The following ADGRB3 variants were observed in gnomAD, a reference collection of about 807,000 sequenced individuals.
ADGRB3 encodes the protein adhesion G protein-coupled receptor B3, also known as brain-specific angiogenesis inhibitor 3.
In ADGRB3, 37 loss-of-function variants were observed where a neutral mutation model predicts 193.4. The observed-to-expected ratio is 0.19, with a 90% confidence interval of 0.15 to 0.25. The LOEUF is 0.25. Among genes scored for constraint, ADGRB3 ranks in the 10% least tolerant of loss-of-function variants. The pLI is 1.00. For missense variants in ADGRB3, 1,637 were observed against 1,852.9 expected (o/e 0.88, Z 2.14); for synonymous variants, 690 against 644.2 (o/e 1.07, Z -1.08).
chr6:69,354,372 C>T lies in ADGRB3; in HGVS notation c.3555+44C>T, dbSNP rs749288860. On this transcript the variant is annotated intron_variant, in intron 27 of 31. Coordinates refer to ENST00000370598, the MANE Select transcript of ADGRB3 (RefSeq NM_001704.3). ...CCGATTGTTAATTAACTCATGATTT[C>T]TCAAGGGAATAAAAGAAATCCTTAT... 1.6e-5 allele frequency: 24 copies of T among 1,490,176 alleles called. No homozygotes were observed. In the South Asian group the frequency reaches 2.7e-4, roughly 17 times the overall value. 92.3% of individuals were successfully genotyped at this position (1,490,176 alleles called of 1,614,324 possible).
At chr6:69,304,236 A>C (rs1768015456) in intron 20 of ADGRB3, among the ~76,000 whole-genome samples, 1 of 151,732 alleles carries the variant, frequency 6.6e-6, no homozygotes. Context: ...TTTTCCCCTA[A>C]AAATTATATT....
intron 16 of ADGRB3, among the ~76,000 whole-genome samples, chr6:69,069,885 T>C (rs182601670): frequency 1.6e-4 from 24 of 152,180 alleles, no homozygotes; most frequent in Admixed American, 5.2e-4. Flanking sequence ...TAACAATCTT[T>C]AGTAGGGAAA....
chr6:68,961,652 G>A (rs994901002), intron 8 of ADGRB3, among the ~76,000 whole-genome samples: 5 of 152,050 alleles, frequency 3.3e-5, no homozygotes, highest in African/African-American at 9.7e-5. Flanking sequence ...AAGACTGAAT[G>A]TAATCATTAT....
chr6:68,697,611 G>C (rs1765178085), intron 3 of ADGRB3, among the ~76,000 whole-genome samples: 2 of 151,904 alleles, frequency 1.3e-5, no homozygotes, highest in African/African-American at 4.8e-5. Context: ...TTCCTGTCTA[G>C]AAATCATCCT....
intron 3 of ADGRB3, among the ~76,000 whole-genome samples, chr6:68,706,850 G>A (rs1335196125): frequency 1.3e-5 from 2 of 152,046 alleles, no homozygotes; most frequent in African/African-American, 4.8e-5. Context: ...GGTGGCTCAC[G>A]CCTATAATCC....
At chr6:68,770,827 C>T (rs1766603344) in intron 3 of ADGRB3, among the ~76,000 whole-genome samples, 1 of 152,040 alleles carries the variant, frequency 6.6e-6, no homozygotes, top group Non-Finnish European at 1.5e-5. Context: ...AGAATTGAGT[C>T]CCACAGTCAG....
chr6:69,348,141 G>A (rs1769144685), intron 26 of ADGRB3, among the ~76,000 whole-genome samples: 1 of 152,098 alleles, frequency 6.6e-6, no homozygotes, highest in African/African-American at 2.4e-5. Flanking sequence ...GAGATTTAAG[G>A]GGTTAACAAG....
At chr6:69,208,913 T>C (rs1765597439) in intron 17 of ADGRB3, among the ~76,000 whole-genome samples, 1 of 152,208 alleles carries the variant, frequency 6.6e-6, no homozygotes, top group Non-Finnish European at 1.5e-5. Context: ...GGTAACATGA[T>C]GACCCATGGT....
intron 17 of ADGRB3, among the ~76,000 whole-genome samples, chr6:69,080,841 C>T (rs1176496615): frequency 6.6e-6 from 1 of 151,952 alleles, no homozygotes; most frequent in Non-Finnish European, 1.5e-5. Context: ...TAACATGTAA[C>T]TGATTACATT....
intron 17 of ADGRB3, among the ~76,000 whole-genome samples, chr6:69,224,526 G>A (rs1433132193): frequency 3.3e-5 from 5 of 151,986 alleles, no homozygotes; most frequent in Non-Finnish European, 7.4e-5. Context: ...ATCAATGTTC[G>A]AGGCATTTTA....
At chr6:68,678,244 C>T (rs933236074) in intron 3 of ADGRB3, among the ~76,000 whole-genome samples, 10 of 152,108 alleles carry the variant, frequency 6.6e-5, no homozygotes, top group Non-Finnish European at 1.0e-4. Context: ...ACTAGGCCAG[C>T]GTTTCCATAA....
intron 3 of ADGRB3, among the ~76,000 whole-genome samples, chr6:68,844,249 AAAAG>A (rs1768227867): frequency 6.6e-6 from 1 of 152,142 alleles, no homozygotes; most frequent in Non-Finnish European, 1.5e-5. Flanking sequence ...CAGAATGAAA[AAAAG>A]AAAAATATTT....
At position 69,022,465 on chromosome 6, in the gene ADGRB3, A is replaced by C. The variant is rs187800993; in HGVS notation, c.2107+3966A>C. Among the ~76,000 whole-genome samples, 510 of 151,982 alleles carry C rather than the reference A, an allele frequency of 3.4e-3. 5 individuals are homozygous for C. Among genetic ancestry groups the C allele is most frequent in the South Asian group, 0.028 (135 of 4,828 alleles). ...GAAGATTTATTTCAACTTGTTTTCT[A>C]TACTTTTCCTCTAAACATTTTTCCT... On this transcript the variant is annotated intron_variant, in intron 13 of 31. Transcript: ENST00000370598.
At chr6:68,768,149 C>T (rs972221308) in intron 3 of ADGRB3, among the ~76,000 whole-genome samples, 1 of 152,166 alleles carries the variant, frequency 6.6e-6, no homozygotes, top group African/African-American at 2.4e-5. Context: ...ATATCCCCAT[C>T]AAGCTACCAC....
At chr6:69,065,242 G>A (rs186328799) in intron 16 of ADGRB3, among the ~76,000 whole-genome samples, 1 of 152,214 alleles carries the variant, frequency 6.6e-6, no homozygotes, top group East Asian at 1.9e-4. Context: ...GGGGAGAGGA[G>A]AATAGAAAGA....
At chr6:69,119,835 A>G (rs1400810727) in intron 17 of ADGRB3, among the ~76,000 whole-genome samples, 1 of 152,188 alleles carries the variant, frequency 6.6e-6, no homozygotes, top group Middle Eastern at 3.2e-3. Context: ...AAGTCATTTC[A>G]GGGTTTTGAG....
At chr6:68,961,393 T>A (rs994503969) in intron 8 of ADGRB3, among the ~76,000 whole-genome samples, 1 of 152,150 alleles carries the variant, frequency 6.6e-6, no homozygotes, top group Non-Finnish European at 1.5e-5. Flanking sequence ...GCAGTATATT[T>A]TCCCTGCCTC....
intron 13 of ADGRB3, among the ~76,000 whole-genome samples, chr6:69,034,836 G>A (rs558825886): frequency 4.6e-5 from 7 of 151,862 alleles, no homozygotes; most frequent in South Asian, 2.1e-4. Context: ...GTTAAAAAGA[G>A]CATAACTATA....
intron 3 of ADGRB3, among the ~76,000 whole-genome samples, chr6:68,788,790 A>C (rs554355928): frequency 6.6e-6 from 1 of 152,310 alleles, no homozygotes; most frequent in East Asian, 1.9e-4. Flanking sequence ...TGGGAGTCTA[A>C]GTCTCTTTGT....
Sources: gnomAD v4.1 joint callset for allele counts (sites outside exome capture counted in the v4.1 genomes callset) on GRCh38, gnomAD v4.1.1 for gene constraint, MANE v1.5 for transcripts, NCBI Gene and HGNC (gene_info 2026-07-23, HGNC 2026-07-21) for gene names.